The following GRM1 variants were observed in gnomAD, a reference collection of about 807,000 sequenced individuals.
The protein encoded by GRM1 is glutamate metabotropic receptor 1.
GRM1 carries 33 observed loss-of-function variants against 90.9 expected under a neutral mutation model. The observed-to-expected ratio is 0.36, with a 90% CI of 0.28 to 0.49. The LOEUF is 0.49. Ranked by LOEUF, GRM1 falls within the 20% of genes least tolerant of loss-of-function variation. The pLI is 0.99. For missense variants in GRM1, 1,190 were observed against 1,534.3 expected (o/e 0.78, Z 3.75); for synonymous variants, 700 against 613.2 (o/e 1.14, Z -2.09).
chr6:146,416,477 A>G (rs1028217057), intron 7 of GRM1, among the ~76,000 whole-genome samples: 2 of 152,174 alleles, frequency 1.3e-5, no homozygotes, highest in Admixed American at 6.5e-5. Context: ...TCACTTTCCA[A>G]GCAAGGCAAG....
intron 1 of GRM1, among the ~76,000 whole-genome samples, chr6:146,036,172 G>A (rs1475985336): frequency 2.0e-5 from 3 of 151,906 alleles, no homozygotes. Context: ...CTGGAGTGAT[G>A]GGTTCACAAA....
chr6:146,270,881 C>CT (rs1290813969), intron 2 of GRM1, among the ~76,000 whole-genome samples: 8 of 98,148 alleles, frequency 8.2e-5, no homozygotes, highest in African/African-American at 4.0e-4. Context: ...TTCTTTCTTT[C>CT]TTTCTTTCTT....
chr6:146,040,390 C>T (rs1380196333), intron 1 of GRM1, among the ~76,000 whole-genome samples: 1 of 151,962 alleles, frequency 6.6e-6, no homozygotes, highest in Admixed American at 6.6e-5. Context: ...GTTCTTATTG[C>T]ATGTTAGTGT....
intron 7 of GRM1, among the ~76,000 whole-genome samples, chr6:146,431,170 C>A (rs966646282): frequency 6.6e-6 from 1 of 152,084 alleles, no homozygotes; most frequent in Non-Finnish European, 1.5e-5. Context: ...CTGATAAATG[C>A]CCTGAGGTGT....
chr6:146,250,398 TG>T (rs1781228492), intron 2 of GRM1, among the ~76,000 whole-genome samples: 1 of 152,180 alleles, frequency 6.6e-6, no homozygotes, highest in African/African-American at 2.4e-5. Flanking sequence ...GTTTCTCCCA[TG>T]CTGTTTTCAT....
chr6:146,116,228 A>T (rs2128875527), intron 1 of GRM1, among the ~76,000 whole-genome samples: 1 of 152,236 alleles, frequency 6.6e-6, no homozygotes, highest in Admixed American at 6.5e-5. Context: ...AAGTATTGGG[A>T]TTACAGGCAT....
At chr6:146,219,402 G>A (rs953032710) in intron 2 of GRM1, among the ~76,000 whole-genome samples, 1 of 152,118 alleles carries the variant, frequency 6.6e-6, no homozygotes, top group Non-Finnish European at 1.5e-5. Context: ...AAGGAAGAGA[G>A]TAGCGCTGAA....
At chr6:146,175,771 A>T (rs573594524) in intron 2 of GRM1, among the ~76,000 whole-genome samples, 183 of 152,262 alleles carry the variant, frequency 1.2e-3, no homozygotes, top group African/African-American at 4.3e-3. Flanking sequence ...TGTATATGCT[A>T]TACCTTACTA....
intron 1 of GRM1, among the ~76,000 whole-genome samples, chr6:146,043,796 T>TATATAGATATATAG (rs577546115): frequency 7.2e-5 from 10 of 137,940 alleles, no homozygotes; most frequent in Non-Finnish European, 1.4e-4. Context: ...TATATATATA[T>TATATAGATATATAG]ATATATATAT....
At chr6:146,306,257 A>G (rs1583301579) in intron 3 of GRM1, among the ~76,000 whole-genome samples, 1 of 152,178 alleles carries the variant, frequency 6.6e-6, no homozygotes. Flanking sequence ...AATAATAGAC[A>G]TCTCCTTTCT....
In GRM1 at chr6:146,179,489, C is replaced by A. The variant is rs145077258; in HGVS notation, c.950+19892C>A. On this transcript the variant is annotated intron_variant, in intron 2 of 7. Transcript: ENST00000282753. ...GATTGTAGAGTCAGTAAGTAGCATGCCCAGAATTAGAACTCAGAACTTTTT... is the reference window on the plus strand; with the variant it reads ...GATTGTAGAGTCAGTAAGTAGCATGACCAGAATTAGAACTCAGAACTTTTT... Among the ~76,000 whole-genome samples the A allele has an allele frequency of 5.5e-3, 831 of 152,212 alleles. 3 individuals are homozygous for A. The highest frequency in any genetic ancestry group is 7.7e-3 in the African/African-American group (318 of 41,516).
Position 146,436,133 on chromosome 6 carries a change from C to T in GRM1, c.*1337C>T, listed in dbSNP as rs990170601. ...AATTAGAAATTGTCTTTTGAATATA[C>T]TATATATATTTTTTATGTTCCAATA... On this transcript the variant is annotated 3_prime_UTR_variant, in exon 8 of 8. Transcript: ENST00000282753. 6 of 152,468 alleles carry T rather than the reference C, an allele frequency of 3.9e-5. No homozygotes were observed. The highest frequency in any genetic ancestry group is 3.9e-4 in the Admixed American group (6 of 15,248). The allele number at this position is 152,468 out of a possible 1,614,324, so 9.4% of individuals were successfully genotyped here. A position where few individuals can be genotyped will look rare whatever the true frequency, so the allele number is the denominator to read the frequency against.
At chr6:146,295,888 C>T (rs1016092465) in intron 2 of GRM1, among the ~76,000 whole-genome samples, 2 of 152,148 alleles carry the variant, frequency 1.3e-5, no homozygotes, top group Admixed American at 6.5e-5. Context: ...ATCCTTCACC[C>T]TCAAGGGGGC....
At chr6:146,198,505 C>T (rs2114606975) in intron 2 of GRM1, among the ~76,000 whole-genome samples, 1 of 152,322 alleles carries the variant, frequency 6.6e-6, no homozygotes, top group South Asian at 2.1e-4. Flanking sequence ...AGATCTAATA[C>T]AGTGGTGACT....
At chr6:146,201,610 CA>C (rs1413849181) in intron 2 of GRM1, among the ~76,000 whole-genome samples, 1 of 152,152 alleles carries the variant, frequency 6.6e-6, no homozygotes, top group Non-Finnish European at 1.5e-5. Context: ...AATTACTTAC[CA>C]AAGGCCACAC....
At chr6:146,358,947 T>G (rs1372609162) in intron 5 of GRM1, among the ~76,000 whole-genome samples, 1 of 152,178 alleles carries the variant, frequency 6.6e-6, no homozygotes, top group African/African-American at 2.4e-5. Flanking sequence ...AACCAGTCCA[T>G]CAGCATAGAC....
chr6:146,103,421 C>A (rs1777116068), intron 1 of GRM1, among the ~76,000 whole-genome samples: 1 of 152,168 alleles, frequency 6.6e-6, no homozygotes, highest in Non-Finnish European at 1.5e-5. Context: ...GTCACACTCT[C>A]TTGGCACATT....
At chr6:146,139,910 C>A (rs1440696259) in intron 1 of GRM1, among the ~76,000 whole-genome samples, 1 of 102,878 alleles carries the variant, frequency 9.7e-6, no homozygotes, top group African/African-American at 4.1e-5. Flanking sequence ...CCCTTCCCTT[C>A]CCTTCCCTCC....
chr6:146,204,020 G>T (rs553356774), intron 2 of GRM1, among the ~76,000 whole-genome samples: 1 of 152,274 alleles, frequency 6.6e-6, no homozygotes, highest in East Asian at 1.9e-4. Context: ...TGTAGATTGT[G>T]TTATTTTTGA....
Sources: allele counts gnomAD v4.1 joint callset (sites outside exome capture counted in the v4.1 genomes callset), GRCh38; gene constraint gnomAD v4.1.1; transcripts MANE v1.5; gene names NCBI Gene and HGNC (gene_info 2026-07-23, HGNC 2026-07-21).